ACOXL: variants seen among roughly 807,000 people sequenced by gnomAD.
ACOXL encodes acyl-coenzyme A oxidase-like protein.
ACOXL carries 70 observed loss-of-function variants against 71.9 expected under a neutral mutation model. That is an observed-to-expected ratio of 0.97 (90% CI 0.80 to 1.19). The LOEUF (loss-of-function observed/expected upper bound fraction) is 1.19. Among genes scored for constraint, ACOXL ranks in the 50% most tolerant of loss-of-function variants. The pLI is 0.00. For missense variants in ACOXL, 703 were observed against 736.3 expected, an observed-to-expected ratio of 0.95 and a Z score of 0.52; for synonymous variants, 253 against 281.6, an observed-to-expected ratio of 0.90 and a Z score of 1.02.
chr2:111,023,097 A>T (rs1036709158), intron 14 of ACOXL, among the ~76,000 whole-genome samples: 7 of 152,296 alleles, frequency 4.6e-5, no homozygotes, highest in African/African-American at 1.2e-4. Flanking sequence ...GAGGGGCAGC[A>T]CCTGATGTGT....
At chr2:110,891,079 TTAG>T (rs1391644586) in intron 10 of ACOXL, among the ~76,000 whole-genome samples, 6 of 152,138 alleles carry the variant, frequency 3.9e-5, no homozygotes, top group African/African-American at 1.2e-4. Context: ...TTGTTCATTA[TTAG>T]TATATAGAAA....
At chr2:111,014,112 C>T (rs1389228786) in intron 14 of ACOXL, among the ~76,000 whole-genome samples, 2 of 152,158 alleles carry the variant, frequency 1.3e-5, no homozygotes, top group East Asian at 3.8e-4. Flanking sequence ...AAAGAACCTA[C>T]AGCTAACCTC....
chr2:110,877,388 G>A (rs1696060301), intron 10 of ACOXL, among the ~76,000 whole-genome samples: 1 of 152,206 alleles, frequency 6.6e-6, no homozygotes, highest in South Asian at 2.1e-4. Flanking sequence ...TTCTGCTGCG[G>A]CCCGTGTGCT....
intron 12 of ACOXL, among the ~76,000 whole-genome samples, chr2:110,974,195 G>T (rs1439444332): frequency 6.6e-6 from 1 of 152,200 alleles, no homozygotes; most frequent in African/African-American, 2.4e-5. Context: ...TTGAAGTAGA[G>T]ATGGAAATTT....
intron 12 of ACOXL, among the ~76,000 whole-genome samples, chr2:110,985,108 T>C (rs1302592535): frequency 1.3e-5 from 2 of 152,224 alleles, no homozygotes; most frequent in Admixed American, 6.5e-5. Flanking sequence ...TTTTATAGAT[T>C]AGCAAAAACA....
intron 14 of ACOXL, among the ~76,000 whole-genome samples, chr2:110,998,864 A>G (rs960537555): frequency 3.7e-4 from 57 of 152,274 alleles, no homozygotes; most frequent in Non-Finnish European, 6.8e-4. Flanking sequence ...AGACTCTCAG[A>G]TTAGATTAGA....
At chr2:110,805,210 C>G (rs1686482357) in intron 8 of ACOXL, 53 bp from the exon 9 acceptor site, 1 of 1,602,840 alleles carries the variant, frequency 6.2e-7, no homozygotes, top group Non-Finnish European at 8.5e-7. Context: ...GACTTCGTTT[C>G]TGGTGGTGCT....
At chr2:111,117,009 T>C (rs192126326) in intron 17 of ACOXL, among the ~76,000 whole-genome samples, 97 of 152,354 alleles carry the variant, frequency 6.4e-4, no homozygotes, top group Admixed American at 1.6e-3. Flanking sequence ...AGATGGATTT[T>C]CCGCAGCGGC....
At chr2:110,869,079 A>T (rs564766466) in intron 10 of ACOXL, among the ~76,000 whole-genome samples, 2 of 152,220 alleles carry the variant, frequency 1.3e-5, no homozygotes, top group African/African-American at 4.8e-5. Context: ...TTATCGTCAC[A>T]ATTCTGGGAG....
intron 10 of ACOXL, among the ~76,000 whole-genome samples, chr2:110,901,457 A>G (rs1297343188): frequency 2.0e-5 from 3 of 152,180 alleles, no homozygotes; most frequent in Admixed American, 1.3e-4. Context: ...CATGTATTCT[A>G]TTCTGGGGTG....
At chr2:110,745,688 G>A (rs1559209109) in intron 1 of ACOXL, among the ~76,000 whole-genome samples, 3 of 152,170 alleles carry the variant, frequency 2.0e-5, no homozygotes, top group African/African-American at 7.2e-5. Context: ...GTTTTTCTGG[G>A]TAGACGCTTG....
At chr2:111,068,057 T>C (rs2067157192) in intron 16 of ACOXL, among the ~76,000 whole-genome samples, 1 of 152,004 alleles carries the variant, frequency 6.6e-6, no homozygotes, top group Admixed American at 6.6e-5. Context: ...ACCCCACAAA[T>C]GGAAGCTGCT....
intron 10 of ACOXL, 100 bp downstream of exon 10, chr2:110,841,505 G>A: frequency 1.1e-6 from 1 of 914,188 alleles, no homozygotes; most frequent in Non-Finnish European, 1.7e-6. Flanking sequence ...TTTGGTGGTT[G>A]CTTTCCTGTG....
intron 10 of ACOXL, among the ~76,000 whole-genome samples, chr2:110,852,143 G>GT (rs1163556473): frequency 6.6e-6 from 1 of 152,174 alleles, no homozygotes; most frequent in East Asian, 1.9e-4. Flanking sequence ...GAGGCACAGG[G>GT]TTAACTACTG....
At chr2:110,761,472 GACTA>G (rs1357148780) in intron 1 of ACOXL, among the ~76,000 whole-genome samples, 2 of 152,208 alleles carry the variant, frequency 1.3e-5, no homozygotes, top group Non-Finnish European at 2.9e-5. Flanking sequence ...TGCAATCAAT[GACTA>G]ACTAAGAGAG....
intron 10 of ACOXL, among the ~76,000 whole-genome samples, chr2:110,853,913 G>GTTTTTTTT (rs35717647): frequency 7.0e-6 from 1 of 142,256 alleles, no homozygotes. Flanking sequence ...TAGGACACTT[G>GTTTTTTTT]TTTTTTTTTT....
intron 2 of ACOXL, among the ~76,000 whole-genome samples, chr2:110,772,012 G>A (rs1230412868): frequency 6.6e-6 from 1 of 152,234 alleles, no homozygotes; most frequent in Non-Finnish European, 1.5e-5. Context: ...GACAGTGACA[G>A]CTCAAGTTGA....
intron 10 of ACOXL, among the ~76,000 whole-genome samples, chr2:110,879,980 T>C (rs549020806): frequency 2.0e-5 from 3 of 151,900 alleles, no homozygotes; most frequent in South Asian, 2.1e-4. Context: ...ACCCCGTCTC[T>C]ACTAAAAATA....
rs1360241061 is a variant in ACOXL, at chr2:111,118,204, CTG to C, written c.*391_*392del. On this transcript the variant is annotated 3_prime_UTR_variant, in exon 18 of 18. Transcript: ENST00000439055. ...TCACATTCCCAGTGATTTAGAAAAA[CTG>C]TGGTGCCGAGTGAAAGAAAAAAAAA... The C allele has an allele frequency of 1.8e-5, 5 of 279,574 alleles. No individual in the cohort carries two copies. The highest frequency in any genetic ancestry group is 5.1e-5 in the Admixed American group (1 of 19,770). The allele number at this position is 279,574 out of a possible 1,614,324, so 17.3% of individuals were successfully genotyped here.
Sources: allele counts gnomAD v4.1 joint callset (sites outside exome capture counted in the v4.1 genomes callset), GRCh38; gene constraint gnomAD v4.1.1; transcripts MANE v1.5; gene names NCBI Gene and HGNC (gene_info 2026-07-23, HGNC 2026-07-21).